The following PRKG1 variants were observed in gnomAD, a reference collection of about 807,000 sequenced individuals.
PRKG1 encodes the protein cGMP-dependent protein kinase 1.
PRKG1 carries 35 observed loss-of-function variants against 88.1 expected under a neutral mutation model. That is an observed-to-expected ratio of 0.40 (90% CI 0.30 to 0.53). The LOEUF (loss-of-function observed/expected upper bound fraction) is 0.53. Among genes scored for constraint, PRKG1 ranks in the 20% least tolerant of loss-of-function variants. The pLI is 0.59. For missense variants in PRKG1, 540 were observed against 839.8 expected (o/e 0.64, Z 4.41); for synonymous variants, 303 against 292.5 (o/e 1.04, Z -0.37).
chr10:51,940,439 T>C (rs1011876936), intron 5 of PRKG1, among the ~76,000 whole-genome samples: 8 of 151,894 alleles, frequency 5.3e-5, no homozygotes, highest in African/African-American at 9.7e-5. Context: ...GAGACCCTTT[T>C]GATGTGATAT....
chr10:51,912,947 G>A (rs926901679), intron 5 of PRKG1, among the ~76,000 whole-genome samples: 1 of 151,514 alleles, frequency 6.6e-6, no homozygotes, highest in Non-Finnish European at 1.5e-5. Flanking sequence ...TTATTTTTTT[G>A]AGATGAAATC....
At chr10:51,896,661 A>AAC (rs1564697831) in intron 4 of PRKG1, among the ~76,000 whole-genome samples, 1 of 150,598 alleles carries the variant, frequency 6.6e-6, no homozygotes, top group African/African-American at 2.4e-5. Context: ...AAAAAAAAAA[A>AAC]AAAAAAAAAG....
At chr10:51,278,523 G>C (rs1840197753) in intron 2 of PRKG1, among the ~76,000 whole-genome samples, 1 of 152,178 alleles carries the variant, frequency 6.6e-6, no homozygotes, top group Non-Finnish European at 1.5e-5. Context: ...AGTTTCAGAA[G>C]GAATGGTACC....
chr10:51,446,287 T>G (rs1169768094), intron 2 of PRKG1, among the ~76,000 whole-genome samples: 1 of 151,974 alleles, frequency 6.6e-6, no homozygotes, highest in African/African-American at 2.4e-5. Flanking sequence ...GTTCCTCCTG[T>G]TCCTAGATAC....
chr10:52,252,789 G>A (rs1419931739), intron 10 of PRKG1: 1 of 151,008 alleles, frequency 6.6e-6, no homozygotes, highest in Non-Finnish European at 1.5e-5. Context: ...TATCACCTGT[G>A]ACTTGAAAGT....
rs138792668 is a variant in PRKG1, at chr10:51,789,149, C to T, written c.593-15436C>T. Among the ~76,000 whole-genome samples the T allele has an allele frequency of 3.3e-3, 502 of 152,290 alleles. 1 individual carries two copies. Among genetic ancestry groups the T allele is most frequent in the Non-Finnish European group, 5.2e-3 (356 of 68,032 alleles). The stretch of plus-strand genomic sequence containing the variant: ...TTGGTGTAGTATTTAGGGATACAGC[C>T]TATCCAACTGACAAAAGGACTTACA... On this transcript the variant is annotated intron_variant, in intron 3 of 17. Transcript: ENST00000373980.
intron 2 of PRKG1, among the ~76,000 whole-genome samples, chr10:51,382,029 T>G (rs1837118934): frequency 1.3e-5 from 2 of 152,204 alleles, no homozygotes; most frequent in Non-Finnish European, 2.9e-5. Flanking sequence ...GTTGTTGGTT[T>G]TTTTCTCCCC....
intron 3 of PRKG1, among the ~76,000 whole-genome samples, chr10:51,728,449 C>CTTTTTTTTTTTTTT (rs201683049): frequency 1.7e-5 from 1 of 57,918 alleles, no homozygotes; most frequent in African/African-American, 6.9e-5. Context: ...TCCATTTTTT[C>CTTTTTTTTTTTTTT]TTTGTTTTTT....
intron 2 of PRKG1, among the ~76,000 whole-genome samples, chr10:51,237,846 C>G (rs1009411901): frequency 6.6e-6 from 1 of 152,024 alleles, no homozygotes; most frequent in Non-Finnish European, 1.5e-5. Context: ...GGCCCTTGAT[C>G]CCTGACAAGT....
At chr10:52,229,887 C>G (rs1840482133) in intron 9 of PRKG1, among the ~76,000 whole-genome samples, 1 of 152,260 alleles carries the variant, frequency 6.6e-6, no homozygotes, top group East Asian at 1.9e-4. Context: ...ACCTACCCTT[C>G]TTTTAATAAA....
At chr10:51,836,197 A>G (rs750357931) in intron 4 of PRKG1, among the ~76,000 whole-genome samples, 2 of 152,080 alleles carry the variant, frequency 1.3e-5, no homozygotes, top group Non-Finnish European at 1.5e-5. Context: ...CCAATGGAAT[A>G]GGATAGAAAA....
At chr10:51,375,783 G>A (rs558172845) in intron 2 of PRKG1, among the ~76,000 whole-genome samples, 37 of 151,670 alleles carry the variant, frequency 2.4e-4, no homozygotes, top group Admixed American at 3.9e-4. Context: ...TATATAAAGT[G>A]ATCAGGGTAG....
In PRKG1 at chr10:51,074,551, G is replaced by C. The variant is rs774964787; in HGVS notation, c.-40G>C. The C allele has an allele frequency of 1.3e-6, 2 of 1,585,708 alleles. No individual in the cohort carries two copies. Among genetic ancestry groups the C allele is most frequent in the African/African-American group, 1.3e-5 (1 of 74,512 alleles). On this transcript the variant is annotated 5_prime_UTR_variant, in exon 1 of 18. Coordinates refer to ENST00000373980, the MANE Select transcript of PRKG1 (RefSeq NM_006258.4). ...AGAGGGGAGGAAGCCTCAAGACGCGGAGCAGCGGCAGGAAGGAGCCCCCGG... is the reference window on the plus strand; with the variant it reads ...AGAGGGGAGGAAGCCTCAAGACGCGCAGCAGCGGCAGGAAGGAGCCCCCGG...
chr10:51,612,370 G>A (rs1034956062), intron 3 of PRKG1, among the ~76,000 whole-genome samples: 3 of 151,482 alleles, frequency 2.0e-5, no homozygotes, highest in African/African-American at 4.8e-5. Context: ...TGTATTCCTA[G>A]GTTTTTTTGT....
intron 2 of PRKG1, among the ~76,000 whole-genome samples, chr10:51,280,481 A>G (rs1840262892): frequency 6.6e-6 from 1 of 152,126 alleles, no homozygotes; most frequent in African/African-American, 2.4e-5. Flanking sequence ...ACTTGGTTCC[A>G]TTCTGCCCGT....
intron 9 of PRKG1, among the ~76,000 whole-genome samples, chr10:52,200,304 G>A (rs1285088682): frequency 6.6e-6 from 1 of 151,984 alleles, no homozygotes; most frequent in Non-Finnish European, 1.5e-5. Flanking sequence ...AATGATAACA[G>A]GCAGTATTTG....
intron 3 of PRKG1, chr10:51,698,733 G>C (rs1564612149): frequency 6.2e-7 from 1 of 1,614,108 alleles, no homozygotes. Flanking sequence ...CCAGCTCCGG[G>C]AACTGCAGCT....
rs7077884 is a variant in PRKG1, at chr10:52,133,673, A to G, written c.936-167A>G. ...ATTTGTATGATTAATGACAAGGGTA[A>G]GATGATTCCTCAAAAAAAATTTTGA... On this transcript the variant is annotated intron_variant, in intron 7 of 17. Coordinates refer to ENST00000373980, the MANE Select transcript of PRKG1 (RefSeq NM_006258.4). 9.1e-3 allele frequency among the ~76,000 whole-genome samples: 1,389 copies of G among 152,248 alleles called. 28 individuals are homozygous for G. The highest frequency in any genetic ancestry group is 0.032 in the African/African-American group (1,327 of 41,552).
intron 5 of PRKG1, among the ~76,000 whole-genome samples, chr10:52,007,784 C>T (rs1389407181): frequency 2.0e-5 from 3 of 152,158 alleles, no homozygotes; most frequent in Admixed American, 6.5e-5. Context: ...ACCTAATAGA[C>T]ATCTACAGAA....
Sources: gnomAD v4.1 joint callset for allele counts (sites outside exome capture counted in the v4.1 genomes callset) on GRCh38, gnomAD v4.1.1 for gene constraint, MANE v1.5 for transcripts, NCBI Gene and HGNC (gene_info 2026-07-23, HGNC 2026-07-21) for gene names.